CTNNA2: variants seen among roughly 807,000 people sequenced by gnomAD.
The protein encoded by CTNNA2 is catenin alpha-2.
CTNNA2 carries 42 observed loss-of-function variants against 101.0 expected under a neutral mutation model. The ratio of observed to expected loss-of-function variants is 0.42; its 90% CI spans 0.32 to 0.54. The LOEUF (loss-of-function observed/expected upper bound fraction) is 0.54. Ranked by LOEUF, CTNNA2 falls within the 20% of genes least tolerant of loss-of-function variation. The pLI is 0.14. For missense variants in CTNNA2, 871 were observed against 1,223.1 expected (o/e 0.71, Z 4.29); for synonymous variants, 450 against 456.4 (o/e 0.99, Z 0.18).
chr2:79,560,066 GA>G (rs1378575094), intron 1 of CTNNA2, among the ~76,000 whole-genome samples: 1 of 148,282 alleles, frequency 6.7e-6, no homozygotes, highest in Admixed American at 6.9e-5. Flanking sequence ...ATTAGAAACA[GA>G]ACAGGGAAGA....
At chr2:79,394,080 GGT>G (rs1301990281) in intron 4 of CTNNA2, among the ~76,000 whole-genome samples, 1 of 152,040 alleles carries the variant, frequency 6.6e-6, no homozygotes, top group Admixed American at 6.6e-5. Context: ...GGGGATGAGT[GGT>G]CACGTACACT....
chr2:80,206,477 T>G (rs1300828843), intron 7 of CTNNA2, among the ~76,000 whole-genome samples: 1 of 152,248 alleles, frequency 6.6e-6, no homozygotes, highest in African/African-American at 2.4e-5. Context: ...CAATGTTCTT[T>G]AACAAGACAT....
intron 4 of CTNNA2, among the ~76,000 whole-genome samples, chr2:79,424,869 A>C (rs1376488359): frequency 6.6e-6 from 1 of 152,146 alleles, no homozygotes; most frequent in East Asian, 1.9e-4. Context: ...TTATTTATTT[A>C]ATGTAGGTAT....
At chr2:79,601,631 TG>T (rs1208470047) in intron 1 of CTNNA2, among the ~76,000 whole-genome samples, 5 of 152,238 alleles carry the variant, frequency 3.3e-5, no homozygotes, top group African/African-American at 4.8e-5. Flanking sequence ...AAATATTCAC[TG>T]CATGATAAAC....
At chr2:79,188,437 T>A (rs534900628) in intron 1 of CTNNA2, among the ~76,000 whole-genome samples, 2 of 152,300 alleles carry the variant, frequency 1.3e-5, no homozygotes, top group South Asian at 4.1e-4. Context: ...GGCACTTCAT[T>A]TTTGCAAGTA....
chr2:79,269,026 C>T (rs1675026081), intron 2 of CTNNA2, among the ~76,000 whole-genome samples: 1 of 152,020 alleles, frequency 6.6e-6, no homozygotes, highest in Admixed American at 6.6e-5. Flanking sequence ...TTTCAAGCCA[C>T]CTCAGAGGGG....
chr2:80,355,550 C>T (rs1673701173), intron 7 of CTNNA2, among the ~76,000 whole-genome samples: 2 of 152,146 alleles, frequency 1.3e-5, no homozygotes, highest in Non-Finnish European at 1.5e-5. Flanking sequence ...CAATAAGCAT[C>T]ATACTTATTA....
intron 1 of CTNNA2, among the ~76,000 whole-genome samples, chr2:79,527,446 A>G (rs1319311310): frequency 1.4e-5 from 2 of 142,754 alleles, no homozygotes; most frequent in African/African-American, 2.7e-5. Flanking sequence ...CCTGGCCAAC[A>G]TGGTGAGACC....
chr2:79,736,279 G>C (rs7565556), intron 2 of CTNNA2, among the ~76,000 whole-genome samples: 39,373 of 151,970 alleles, frequency 0.26, 5,261 homozygotes, highest in African/African-American at 0.3. Context: ...GAAGGTAAGC[G>C]TATATCTTTT....
Position 79,398,135 on chromosome 2 carries a change from G to A in CTNNA2, c.-135+24122G>A, listed in dbSNP as rs533790942. On this transcript the variant is annotated intron_variant, in intron 4 of 21. Coordinates refer to the CTNNA2 transcript ENST00000466387. Reference sequence around the variant, plus strand: ...TGATATTTTATGAAAATAAGGTTAAGAGAAAAGAGGTGGGGAAGAGTAAAA... The same window carrying A: ...TGATATTTTATGAAAATAAGGTTAAAAGAAAAGAGGTGGGGAAGAGTAAAA... 2.0e-5 allele frequency among the ~76,000 whole-genome samples: 3 copies of A among 152,192 alleles called. No individual in the cohort carries two copies. In the South Asian group the frequency reaches 6.2e-4, roughly 32 times the overall value.
chr2:79,790,413 T>C (rs1393946275), intron 3 of CTNNA2, among the ~76,000 whole-genome samples: 1 of 152,132 alleles, frequency 6.6e-6, no homozygotes, highest in Non-Finnish European at 1.5e-5. Flanking sequence ...TGGTAACCTT[T>C]GTGAGAGTGA....
chr2:80,387,288 C>CAA (rs377122705), intron 7 of CTNNA2, among the ~76,000 whole-genome samples: 2 of 143,638 alleles, frequency 1.4e-5, no homozygotes, highest in African/African-American at 5.1e-5. Context: ...GACTTTGTCT[C>CAA]AAAAAAAAAA....
At chr2:80,554,894 A>C (rs938859149) in intron 11 of CTNNA2, among the ~76,000 whole-genome samples, 25 of 152,286 alleles carry the variant, frequency 1.6e-4, no homozygotes, top group African/African-American at 5.3e-4. Context: ...AAAAATACAA[A>C]ATTACACACT....
At chr2:79,780,075 TC>T (rs1674308283) in intron 3 of CTNNA2, among the ~76,000 whole-genome samples, 1 of 152,124 alleles carries the variant, frequency 6.6e-6, no homozygotes. Context: ...ACCCAGACAG[TC>T]CTTTCTATTG....
At chr2:80,043,175 TTCCTTC>T (rs1319310395) in intron 7 of CTNNA2, among the ~76,000 whole-genome samples, 12 of 109,806 alleles carry the variant, frequency 1.1e-4, no homozygotes, top group African/African-American at 4.4e-4. Context: ...CCTTCCTTCC[TTCCTTC>T]CTTTCTTTCT....
At chr2:80,143,352 T>A (rs1573210002) in intron 7 of CTNNA2, among the ~76,000 whole-genome samples, 1 of 152,222 alleles carries the variant, frequency 6.6e-6, no homozygotes, top group Admixed American at 6.6e-5. Flanking sequence ...AAGTAATGTT[T>A]TGATACATTC....
At chr2:79,599,589 G>T (rs1314172826) in intron 1 of CTNNA2, among the ~76,000 whole-genome samples, 1 of 152,044 alleles carries the variant, frequency 6.6e-6, no homozygotes, top group Non-Finnish European at 1.5e-5. Context: ...TCTTTGAACT[G>T]AATGTCCTTC....
chr2:79,482,470 G>C (rs1671119623), intron 4 of CTNNA2, among the ~76,000 whole-genome samples: 1 of 152,114 alleles, frequency 6.6e-6, no homozygotes, highest in Non-Finnish European at 1.5e-5. Context: ...AAACATAAAG[G>C]CTTAGGAATT....
At chr2:79,960,613 TTATATG>T (rs1323138324) in intron 7 of CTNNA2, among the ~76,000 whole-genome samples, 1 of 152,218 alleles carries the variant, frequency 6.6e-6, no homozygotes, top group African/African-American at 2.4e-5. Context: ...ATTTATTAGT[TTATATG>T]TAAAAGAACA....
Sources: gnomAD v4.1 joint callset for allele counts (sites outside exome capture counted in the v4.1 genomes callset) on GRCh38, gnomAD v4.1.1 for gene constraint, MANE v1.5 for transcripts, NCBI Gene and HGNC (gene_info 2026-07-23, HGNC 2026-07-21) for gene names.